The following WNT11 variants were observed in gnomAD, a reference collection of about 807,000 sequenced individuals.
WNT11 encodes Wnt family member 11.
Under a neutral mutation model 35.6 loss-of-function variants are expected in WNT11, and 20 were observed. The ratio of observed to expected loss-of-function variants is 0.56; its 90% confidence interval spans 0.40 to 0.82. The LOEUF (loss-of-function observed/expected upper bound fraction) is 0.82, where lower values mean the gene tolerates loss of function less well. Ranked by LOEUF, WNT11 falls within the 40% of genes least tolerant of loss-of-function variation. The pLI is 0.00. For synonymous variants in WNT11, 200 were observed against 211.9 expected (o/e 0.94, Z 0.49); for missense variants, 459 against 504.4 (o/e 0.91, Z 0.86).
intron 1 of WNT11, among the ~76,000 whole-genome samples, 193 bp downstream of exon 1, chr11:76,206,130 CCT>C (rs1953468258): frequency 6.7e-6 from 1 of 150,274 alleles, no homozygotes; most frequent in Admixed American, 6.7e-5. Flanking sequence ...CGTCTCACTC[CCT>C]TTTCGCAAGC....
At chr11:76,205,410 A>C (rs1953456042) in intron 1 of WNT11, among the ~76,000 whole-genome samples, 1 of 151,212 alleles carries the variant, frequency 6.6e-6, no homozygotes, top group African/African-American at 2.4e-5. Flanking sequence ...CGTCCTCTCC[A>C]TTGCCCGAAC....
Position 76,186,776 on chromosome 11 carries a change from C to T in WNT11, c.*289G>A, listed in dbSNP as rs767714969. 3.0e-5 allele frequency: 16 copies of T among 530,284 alleles called. No individual in the cohort carries two copies. The highest frequency in any genetic ancestry group is 1.7e-4 in the African/African-American group (9 of 52,910). The allele number at this position is 530,284 out of a possible 1,614,324, so 32.8% of individuals were successfully genotyped here. ...AAGGTCAAGTCTGTATCAGTCTCAC[C>T]GATCCCAAGCCCCGCTCCTTACACC... On this transcript the variant is annotated 3_prime_UTR_variant, in exon 5 of 5. Coordinates refer to ENST00000322563, the MANE Select transcript of WNT11 (RefSeq NM_004626.3).
upstream of WNT11, among the ~76,000 whole-genome samples, chr11:76,209,118 C>T (rs10899177): frequency 0.26 from 39,442 of 152,062 alleles, 5,357 homozygotes; most frequent in East Asian, 0.4. Flanking sequence ...TTCTATAGGA[C>T]ACTTGCCGTG....
intron 1 of WNT11, among the ~76,000 whole-genome samples, chr11:76,204,799 G>A (rs1953445489): frequency 6.6e-6 from 1 of 152,058 alleles, no homozygotes; most frequent in Admixed American, 6.5e-5. Flanking sequence ...GGGTCTCGGT[G>A]TTCCCACTGT....
intron 4 of WNT11, among the ~76,000 whole-genome samples, chr11:76,189,373 G>A (rs1187030106): frequency 6.6e-6 from 1 of 152,154 alleles, no homozygotes; most frequent in Non-Finnish European, 1.5e-5. Context: ...AGGGCCGTTG[G>A]ATGCCTGGCT....
rs1208227945 is a variant in WNT11 at position 76,191,759 on chromosome 11, T to C, written c.695A>G (p.Asp232Gly). Residue 232 changes from aspartate (D) to glycine (G), a missense_variant, in exon 4 of 5, where the codon GAT (aspartate) becomes GGT (glycine). Coordinates refer to ENST00000322563, the MANE Select transcript of WNT11 (RefSeq NM_004626.3). ...TCGGGTCTTGAGGTCAGCAGCCACA[T>C]CCTGCAGCTCCTGCAGCCCCTTCCA... ...TCWKGLQELQ[D>G]VAADLKTRYL... The C allele has an allele frequency of 8.1e-6, 13 of 1,613,156 alleles. No individual in the cohort carries two copies. Among genetic ancestry groups the C allele is most frequent in the Non-Finnish European group, 1.0e-5 (12 of 1,180,038 alleles).
chr11:76,189,990 G>A (rs954787486), intron 4 of WNT11, among the ~76,000 whole-genome samples: 6 of 152,118 alleles, frequency 3.9e-5, no homozygotes, highest in East Asian at 3.9e-4. Context: ...TGCTGAGGGC[G>A]GGGCCTCCTC....
chr11:76,209,094 C>G (rs111875427), upstream of WNT11, among the ~76,000 whole-genome samples: 1 of 152,206 alleles, frequency 6.6e-6, no homozygotes, highest in South Asian at 2.1e-4. Flanking sequence ...GGAGTGCCCC[C>G]TGTGTCCTGG....
intron 4 of WNT11, among the ~76,000 whole-genome samples, chr11:76,188,255 C>T (rs968416622): frequency 6.6e-6 from 1 of 152,200 alleles, no homozygotes; most frequent in Non-Finnish European, 1.5e-5. Flanking sequence ...GGAATGATTA[C>T]GTCCATTATG....
upstream of WNT11, chr11:76,206,791 C>T: frequency 6.1e-6 from 1 of 163,872 alleles, no homozygotes; most frequent in Non-Finnish European, 1.3e-5. Flanking sequence ...AGAGACCGGG[C>T]AGACACAGCG....
At chr11:76,198,164 A>G (rs1315544924) in intron 1 of WNT11, among the ~76,000 whole-genome samples, 2 of 152,194 alleles carry the variant, frequency 1.3e-5, no homozygotes, top group Non-Finnish European at 2.9e-5. Flanking sequence ...ACTCCAGGCT[A>G]TATCACTCCC....
intron 2 of WNT11, among the ~76,000 whole-genome samples, chr11:76,195,497 C>T (rs181532953): frequency 6.5e-4 from 99 of 152,336 alleles, no homozygotes; most frequent in African/African-American, 2.1e-3. Flanking sequence ...GAGCTAGGGA[C>T]GGGCCAGGAA....
At chr11:76,190,253 T>A (rs1024669181) in intron 4 of WNT11, among the ~76,000 whole-genome samples, 2 of 152,204 alleles carry the variant, frequency 1.3e-5, no homozygotes, top group South Asian at 2.1e-4. Context: ...CAGAGCCACA[T>A]ATGGATCCAG....
chr11:76,191,257 C>G (rs1326422310), intron 4 of WNT11, among the ~76,000 whole-genome samples: 1 of 152,210 alleles, frequency 6.6e-6, no homozygotes. Flanking sequence ...TCCTGTCCCC[C>G]AGTAGCGTCA....
upstream of WNT11, among the ~76,000 whole-genome samples, chr11:76,206,710 C>T (rs1953481749): frequency 1.3e-5 from 2 of 152,188 alleles, no homozygotes; most frequent in Admixed American, 1.3e-4. Flanking sequence ...CGGGCCCCAA[C>T]GCGCCTTCGA....
chr11:76,194,649 G>T lies in WNT11; in HGVS notation c.515C>A (p.Ser172Tyr). 3.2e-6 allele frequency: 5 copies of T among 1,550,782 alleles called. No individual in the cohort carries two copies. Among genetic ancestry groups the T allele is most frequent in the Non-Finnish European group, 4.4e-6 (5 of 1,146,954 alleles). ...TTTTTTCACCTTCATAGGAGCATCG[G>T]AAAACTTGGCCCCCATGAGGAGCCC... ...SYGLLMGAKFSDAPMKVKKTG... is the reference protein window; with the variant it reads ...SYGLLMGAKFYDAPMKVKKTG... The change falls in exon 3 of 5, where the codon TCC becomes TAC. Residue 172 changes from serine (S) to tyrosine (Y), a missense_variant. By Grantham distance (144) the Ser-to-Tyr change is moderately radical. Transcript: ENST00000322563. The surrounding 1 kb of genome is among the most constrained non-coding windows in gnomAD (Gnocchi z 5.4).
At position 76,206,335 on chromosome 11, in the gene WNT11, T is replaced by TGCCATAGCACACGCCGGTCTGGAGC; in HGVS notation, c.48_72dup (p.Ile25AlafsTer79). On this transcript the variant is annotated frameshift_variant, in exon 1 of 5. Coordinates refer to ENST00000322563, the MANE Select transcript of WNT11 (RefSeq NM_004626.3). LOFTEE classifies it high-confidence loss of function. ...GGGGTCCCTACTCACAGCCACTTGATGCCATAGCACACGCCGGTCTGGAGC... is the reference window on the plus strand; with the variant it reads ...GGGGTCCCTACTCACAGCCACTTGATGCCATAGCACACGCCGGTCTGGAGCGCCATAGCACACGCCGGTCTGGAGC... 6.4e-6 allele frequency: 10 copies of TGCCATAGCACACGCCGGTCTGGAGC among 1,566,900 alleles called. No individual in the cohort carries two copies. The highest frequency in any genetic ancestry group is 8.6e-6 in the Non-Finnish European group (10 of 1,160,152).
chr11:76,202,856 G>A (rs1253871846), intron 1 of WNT11, among the ~76,000 whole-genome samples: 1 of 152,224 alleles, frequency 6.6e-6, no homozygotes, highest in East Asian at 1.9e-4. Flanking sequence ...GAGAAATGGA[G>A]GCTGATGAAG....
Position 76,196,606 on chromosome 11 carries a change from T to A in WNT11, c.196A>T (p.Met66Leu), listed in dbSNP as rs749086543. ...VQLCRSNLEL[M>L]HTVVHAAREV... ...CGGGCGGCGTGCACCACCGTGTGCA[T>A]GAGCTCCAGGTTGCTGCGGCACAGC... Residue 66 changes from methionine to leucine, a missense_variant, in exon 2 of 5, where the codon ATG becomes TTG. Coordinates refer to ENST00000322563, the MANE Select transcript of WNT11 (RefSeq NM_004626.3). The A allele has an allele frequency of 1.2e-6, 2 of 1,613,420 alleles. No individual in the cohort carries two copies. Among genetic ancestry groups the A allele is most frequent in the Non-Finnish European group, 1.7e-6 (2 of 1,179,896 alleles).
Sources: gnomAD v4.1 joint callset for allele counts (sites outside exome capture counted in the v4.1 genomes callset) on GRCh38, gnomAD v4.1.1 for gene constraint, Gnocchi (gnomAD v3.1) non-coding constraint, MANE v1.5 for transcripts, NCBI Gene and HGNC (gene_info 2026-07-23, HGNC 2026-07-21) for gene names.